The following RIMBP2 variants were observed in gnomAD, a reference collection of about 807,000 sequenced individuals.
RIMBP2 encodes RIMS-binding protein 2.
Under a neutral mutation model 118.6 loss-of-function variants are expected in RIMBP2, and 48 were observed. That is an observed-to-expected ratio of 0.40 (90% CI 0.32 to 0.51). The LOEUF is 0.51. RIMBP2 is among the 20% of genes least tolerant of loss of function. The probability of loss-of-function intolerance (pLI) is 0.41; values close to 1 mark genes in which losing one functional copy is unlikely to be tolerated. For missense variants in RIMBP2, 1,551 were observed against 1,768.3 expected (o/e 0.88, Z 2.20); for synonymous variants, 762 against 742.9 (o/e 1.03, Z -0.42).
Position 130,442,064 on chromosome 12 carries a change from G to T in RIMBP2, c.1288C>A (p.Pro430Thr). 6.2e-7 allele frequency: 1 copy of T among 1,614,178 alleles called. No individual in the cohort carries two copies. Among genetic ancestry groups the T allele is most frequent in the Non-Finnish European group, 8.5e-7 (1 of 1,180,048 alleles). Residue 430 changes from proline (P) to threonine (T), a missense_variant, in exon 11 of 23, where the codon CCC becomes ACC. By Grantham distance (38) the Pro-to-Thr change is conservative. Coordinates refer to ENST00000690449, the MANE Select transcript of RIMBP2 (RefSeq NM_001393629.1). This position sits in a 1 kb window ranked among gnomAD's most constrained non-coding sequence, Gnocchi z 6.9. ...TQISAQLSWL[P>T]TNSNYSHVIF... Reference sequence around the variant, plus strand: ...ACGTGGCTGTAGTTGCTGTTGGTGGGTAGCCAGGAGAGCTGGGCGGAGATC... The same window carrying T: ...ACGTGGCTGTAGTTGCTGTTGGTGGTTAGCCAGGAGAGCTGGGCGGAGATC...
chr12:130,689,904 C>A (rs969459349), intron 1 of RIMBP2, among the ~76,000 whole-genome samples: 1 of 152,286 alleles, frequency 6.6e-6, no homozygotes, highest in African/African-American at 2.4e-5. Flanking sequence ...CTTGTGAGGC[C>A]AAATTCAAGA....
At chr12:130,443,113 TTTGA>T (rs769065612) in intron 10 of RIMBP2, among the ~76,000 whole-genome samples, 126 of 152,140 alleles carry the variant, frequency 8.3e-4, no homozygotes, top group Non-Finnish European at 1.5e-3. Context: ...TACTATGATT[TTTGA>T]TTAAGAATTA....
At chr12:130,701,708 G>T (rs2065863670) in intron 1 of RIMBP2, among the ~76,000 whole-genome samples, 1 of 152,044 alleles carries the variant, frequency 6.6e-6, no homozygotes, top group Non-Finnish European at 1.5e-5. Context: ...GACAGTGTGG[G>T]AAGCTGCAAA....
intron 4 of RIMBP2, among the ~76,000 whole-genome samples, chr12:130,480,831 C>A (rs1283355256): frequency 6.6e-6 from 1 of 152,206 alleles, no homozygotes; most frequent in East Asian, 1.9e-4. Flanking sequence ...GAACTCCTGA[C>A]CTCAGGCGAT....
chr12:130,443,155 A>T (rs963531663), intron 10 of RIMBP2, among the ~76,000 whole-genome samples: 1 of 152,144 alleles, frequency 6.6e-6, no homozygotes, highest in African/African-American at 2.4e-5. Flanking sequence ...CCCCTTGAAA[A>T]GCACTGGGCA....
At chr12:130,540,420 G>C (rs1252400940) in intron 2 of RIMBP2, among the ~76,000 whole-genome samples, 1 of 152,120 alleles carries the variant, frequency 6.6e-6, no homozygotes, top group Non-Finnish European at 1.5e-5. Context: ...GACGTTTATG[G>C]ATTCTTTGAA....
chr12:130,701,907 C>A (rs1050950353), intron 1 of RIMBP2, among the ~76,000 whole-genome samples: 2 of 152,074 alleles, frequency 1.3e-5, no homozygotes, highest in Non-Finnish European at 2.9e-5. Flanking sequence ...GTACATGCAG[C>A]CCACACACGT....
At chr12:130,595,528 C>A (rs1205948052) in intron 2 of RIMBP2, among the ~76,000 whole-genome samples, 1 of 151,824 alleles carries the variant, frequency 6.6e-6, no homozygotes, top group Non-Finnish European at 1.5e-5. Context: ...CCAGCCTGGG[C>A]GACAGCGCAA....
chr12:130,659,752 C>G (rs2063574238), intron 1 of RIMBP2, among the ~76,000 whole-genome samples: 2 of 151,862 alleles, frequency 1.3e-5, no homozygotes, highest in Non-Finnish European at 2.9e-5. Flanking sequence ...GTGGGCAGAT[C>G]ATCTGAGGTC....
rs774570205 is a variant in RIMBP2, at chr12:130,576,172, C to T, written c.-217+52150G>A. On this transcript the variant is annotated intron_variant, in intron 2 of 22. Transcript: ENST00000690449. This position sits in a 1 kb window ranked among gnomAD's most constrained non-coding sequence, Gnocchi z 4.2. ...GCTGCAGATCGTACCTTGTAGGCCA[C>T]GGTAGGAACCTTGCTTTGTATCCTG... is the stretch of plus-strand genomic sequence containing the variant. Among the ~76,000 whole-genome samples, 3 of 152,082 alleles carry T rather than the reference C, an allele frequency of 2.0e-5. No individual in the cohort carries two copies. The highest frequency in any genetic ancestry group is 4.8e-5 in the African/African-American group (2 of 41,428).
chr12:130,522,266 G>A (rs1273787279), intron 2 of RIMBP2, among the ~76,000 whole-genome samples: 2 of 152,240 alleles, frequency 1.3e-5, no homozygotes, highest in African/African-American at 2.4e-5. Context: ...AGGGAGGAAG[G>A]AAAAGGGCCA....
At chr12:130,687,329 A>G (rs1291026432) in intron 1 of RIMBP2, among the ~76,000 whole-genome samples, 2 of 152,186 alleles carry the variant, frequency 1.3e-5, no homozygotes, top group African/African-American at 4.8e-5. Context: ...CAGTGGCCCT[A>G]TTGTATTGCA....
At chr12:130,408,226 T>A (rs1388298616) in intron 19 of RIMBP2, among the ~76,000 whole-genome samples, 1 of 152,156 alleles carries the variant, frequency 6.6e-6, no homozygotes, top group Non-Finnish European at 1.5e-5. Flanking sequence ...GAAGGCCCCA[T>A]AGACACAGTT....
At chr12:130,492,728 G>T (rs746068696) in intron 4 of RIMBP2, among the ~76,000 whole-genome samples, 1 of 152,226 alleles carries the variant, frequency 6.6e-6, no homozygotes, top group Non-Finnish European at 1.5e-5. Flanking sequence ...GCCCTGGGGT[G>T]AGTTAGGTAC....
chr12:130,617,870 G>A lies in RIMBP2; in HGVS notation c.-217+10452C>T, dbSNP rs1254433369. ...CATCAGCTGATTTTCAGATTGCCAG[G>A]TCTCTTTAGAACTGGGAGATTCTTA... On this transcript the variant is annotated intron_variant, in intron 2 of 22. Transcript: ENST00000690449. The surrounding 1 kb of genome is among the most constrained non-coding windows in gnomAD (Gnocchi z 4.6). Among the ~76,000 whole-genome samples, 1 of 151,976 alleles carries A rather than the reference G, an allele frequency of 6.6e-6. No homozygotes were observed. The highest frequency in any genetic ancestry group is 2.4e-5 in the African/African-American group (1 of 41,370).
intron 4 of RIMBP2, among the ~76,000 whole-genome samples, chr12:130,495,719 G>A (rs1448112074): frequency 3.3e-5 from 5 of 152,100 alleles, no homozygotes; most frequent in African/African-American, 7.2e-5. Context: ...AATTGCTCAC[G>A]GTATTAGCAA....
At chr12:130,604,901 A>G (rs1376257132) in intron 2 of RIMBP2, among the ~76,000 whole-genome samples, 1 of 150,950 alleles carries the variant, frequency 6.6e-6, no homozygotes, top group East Asian at 2.0e-4. Context: ...TATCTTTTAT[A>G]CTGCATGTTA....
intron 19 of RIMBP2, among the ~76,000 whole-genome samples, chr12:130,410,861 T>C (rs2075656204): frequency 6.6e-6 from 1 of 152,236 alleles, no homozygotes; most frequent in African/African-American, 2.4e-5. Flanking sequence ...CCTCTCCATA[T>C]ACATTTTAGA....
chr12:130,559,383 T>C (rs1185296978), intron 2 of RIMBP2, among the ~76,000 whole-genome samples: 3 of 152,184 alleles, frequency 2.0e-5, no homozygotes, highest in African/African-American at 7.2e-5. Flanking sequence ...GTTCGACTTT[T>C]TTGGATTTCG....
Sources: gnomAD v4.1 joint callset for allele counts (sites outside exome capture counted in the v4.1 genomes callset) on GRCh38, gnomAD v4.1.1 for gene constraint, Gnocchi (gnomAD v3.1) non-coding constraint, MANE v1.5 for transcripts, NCBI Gene and HGNC (gene_info 2026-07-23, HGNC 2026-07-21) for gene names.